CDH4: variants seen among roughly 807,000 people sequenced by gnomAD.
CDH4 encodes cadherin-4.
Under a neutral mutation model 86.0 loss-of-function variants are expected in CDH4, and 33 were observed. The observed-to-expected ratio is 0.38, with a 90% CI of 0.29 to 0.51. The LOEUF (loss-of-function observed/expected upper bound fraction) is 0.51. CDH4 is among the 20% of genes least tolerant of loss of function. The pLI is 0.86. For missense variants in CDH4, 1,114 were observed against 1,307.4 expected (o/e 0.85, Z 2.28); for synonymous variants, 555 against 549.4 (o/e 1.01, Z -0.14).
chr20:61,336,446 T>G (rs1417242529), intron 2 of CDH4, among the ~76,000 whole-genome samples: 1 of 152,156 alleles, frequency 6.6e-6, no homozygotes, highest in Non-Finnish European at 1.5e-5. Flanking sequence ...CGACCATGCT[T>G]TCCCTGTGGT....
chr20:61,766,978 A>G (rs1459677541), intron 3 of CDH4, among the ~76,000 whole-genome samples: 2 of 152,246 alleles, frequency 1.3e-5, no homozygotes, highest in Non-Finnish European at 2.9e-5. Context: ...GGATGGGCCC[A>G]TCAAGATGGT....
Position 61,516,978 on chromosome 20 carries a change from C to G in CDH4, c.170-226585C>G, listed in dbSNP as rs2085826646. Among the ~76,000 whole-genome samples, 1 of 152,130 alleles carries G rather than the reference C, an allele frequency of 6.6e-6. No homozygotes were observed. The highest frequency in any genetic ancestry group is 2.4e-5 in the African/African-American group (1 of 41,418). On this transcript the variant is annotated intron_variant, in intron 2 of 15. Coordinates refer to ENST00000614565, the MANE Select transcript of CDH4 (RefSeq NM_001794.5). This position sits in a 1 kb window ranked among gnomAD's most constrained non-coding sequence, Gnocchi z 4.0. ...AATGTATTGGGATGTCATGCACGCCCTGAAAAATGCAGGCATGATTAGTAC... is the reference window on the plus strand; with the variant it reads ...AATGTATTGGGATGTCATGCACGCCGTGAAAAATGCAGGCATGATTAGTAC...
At chr20:61,686,629 ACATTCTCGTGTG>A (rs1164780123) in intron 2 of CDH4, among the ~76,000 whole-genome samples, 1 of 142,048 alleles carries the variant, frequency 7.0e-6, no homozygotes, top group Non-Finnish European at 1.5e-5. Flanking sequence ...ATCTGAGTGC[ACATTCTCGTGTG>A]CATTCGCGTG....
chr20:61,774,449 G>A (rs1466241399), intron 4 of CDH4, among the ~76,000 whole-genome samples: 1 of 152,204 alleles, frequency 6.6e-6, no homozygotes, highest in Non-Finnish European at 1.5e-5. Context: ...CTTGGGGCCG[G>A]GATTTCTTGC....
At chr20:61,910,311 G>C in intron 8 of CDH4, 111 bp from the exon 9 acceptor site, 1 of 903,814 alleles carries the variant, frequency 1.1e-6, no homozygotes. Flanking sequence ...GGGCTGACAC[G>C]GTGTGTTCTG....
chr20:61,843,444 G>A (rs1378063465), intron 4 of CDH4, among the ~76,000 whole-genome samples: 7 of 117,264 alleles, frequency 6.0e-5, no homozygotes, highest in South Asian at 5.9e-4. Flanking sequence ...GCGACAGAGC[G>A]AGACTCCGTC....
rs1200927520 is a variant in CDH4, at chr20:61,652,930, A to ATTTTTTTT, written c.170-90630_170-90629insTTTTTTTT. 1.7e-3 allele frequency among the ~76,000 whole-genome samples: 185 copies of ATTTTTTTT among 107,888 alleles called. 2 individuals are homozygous for ATTTTTTTT. Among genetic ancestry groups the ATTTTTTTT allele is most frequent in the African/African-American group, 5.4e-3 (173 of 32,018 alleles). The allele number at this position is 107,888 out of a possible 152,430, so 70.8% of individuals were successfully genotyped here. On this transcript the variant is annotated intron_variant, in intron 2 of 15. Transcript: ENST00000614565. ...TACCAGTGTTTGAATTTATTTATTT[A>ATTTTTTTT]TTTATTTATTTTTTTTTTTTTTTTT... is the stretch of plus-strand genomic sequence containing the variant.
At chr20:61,806,540 T>C (rs1054823757) in intron 4 of CDH4, among the ~76,000 whole-genome samples, 2 of 149,426 alleles carry the variant, frequency 1.3e-5, no homozygotes, top group Non-Finnish European at 1.5e-5. Context: ...TGCACACACA[T>C]GTCCACGCGC....
intron 2 of CDH4, among the ~76,000 whole-genome samples, chr20:61,515,440 C>G (rs936114393): frequency 6.6e-6 from 1 of 152,250 alleles, no homozygotes; most frequent in Admixed American, 6.5e-5. Flanking sequence ...CTGGTTTTCC[C>G]TGGATGGGAA....
intron 2 of CDH4, among the ~76,000 whole-genome samples, chr20:61,429,750 G>C (rs2145513855): frequency 6.8e-6 from 1 of 147,194 alleles, no homozygotes; most frequent in Middle Eastern, 3.4e-3. Flanking sequence ...TGGATGGATA[G>C]GTGTGTGGAT....
intron 10 of CDH4, 140 bp downstream of exon 10, chr20:61,923,844 T>G (rs1320318821): frequency 9.4e-7 from 1 of 1,067,650 alleles, no homozygotes; most frequent in Non-Finnish European, 1.3e-6. Flanking sequence ...TAAGGCGTCC[T>G]TCCAGGAGGG....
intron 2 of CDH4, chr20:61,434,784 G>A (rs953251285): frequency 7.2e-5 from 11 of 152,278 alleles, no homozygotes; most frequent in African/African-American, 2.2e-4. Context: ...CCAGGCTGCA[G>A]CTGCTAACCC....
intron 2 of CDH4, among the ~76,000 whole-genome samples, chr20:61,653,984 G>T (rs2087158696): frequency 6.6e-6 from 1 of 151,954 alleles, no homozygotes; most frequent in Non-Finnish European, 1.5e-5. Context: ...CAGACGAAGG[G>T]CGGCCAGGCA....
In CDH4 at chr20:61,269,203, C is replaced by A. The variant is rs1419958445; in HGVS notation, c.169+14266C>A. On this transcript the variant is annotated intron_variant, in intron 2 of 15. Coordinates refer to ENST00000614565, the MANE Select transcript of CDH4 (RefSeq NM_001794.5). This position sits in a 1 kb window ranked among gnomAD's most constrained non-coding sequence, Gnocchi z 5.3. ...CCCTAGGCAGGAGGCATGTTACTAA[C>A]CCTCCTTTCACAGAGTTGGGGTGCT... Among the ~76,000 whole-genome samples, 2 of 152,184 alleles carry A rather than the reference C, an allele frequency of 1.3e-5. No homozygotes were observed. Among genetic ancestry groups the A allele is most frequent in the African/African-American group, 2.4e-5 (1 of 41,450 alleles).
intron 4 of CDH4, 26 bp from the exon 5 acceptor site, chr20:61,844,642 C>T: frequency 3.1e-6 from 5 of 1,597,686 alleles, no homozygotes; most frequent in Non-Finnish European, 4.3e-6. Context: ...AGGATAACCT[C>T]TTCTCGCTTT....
Position 61,720,583 on chromosome 20 carries a change from G to T in CDH4, c.170-22980G>T, listed in dbSNP as rs139786869. Among the ~76,000 whole-genome samples the T allele has an allele frequency of 1.3e-4, 20 of 149,586 alleles. No individual in the cohort carries two copies. In the East Asian group the frequency reaches 4.1e-3, roughly 30 times the overall value. ...GGGGTGCAGAGTACAGGGGTACAGA[G>T]TAGGGGTGTACAGTGCAGGGGTGCA... On this transcript the variant is annotated intron_variant, in intron 2 of 15. Transcript: ENST00000614565.
chr20:61,702,497 G>A (rs1049929692), intron 2 of CDH4, among the ~76,000 whole-genome samples: 6 of 152,198 alleles, frequency 3.9e-5, no homozygotes, highest in African/African-American at 9.7e-5. Context: ...CAGACGCTTC[G>A]CACTGTGTGT....
At chr20:61,436,160 G>A (rs771822447) in intron 2 of CDH4, among the ~76,000 whole-genome samples, 3 of 152,042 alleles carry the variant, frequency 2.0e-5, no homozygotes, top group South Asian at 2.1e-4. Flanking sequence ...TCCTAGTCTC[G>A]GCTTCAACCC....
intron 2 of CDH4, among the ~76,000 whole-genome samples, chr20:61,657,209 C>T (rs947499585): frequency 2.0e-5 from 3 of 152,210 alleles, no homozygotes; most frequent in Admixed American, 6.5e-5. Context: ...GTCAGATCTC[C>T]TTCTCATCCT....
Sources: allele counts gnomAD v4.1 joint callset (sites outside exome capture counted in the v4.1 genomes callset), GRCh38; gene constraint gnomAD v4.1.1; non-coding constraint Gnocchi (gnomAD v3.1); transcripts MANE v1.5; gene names NCBI Gene and HGNC (gene_info 2026-07-23, HGNC 2026-07-21).